The following FKBP8 variants were observed in gnomAD, a reference collection of about 807,000 sequenced individuals.
FKBP8 encodes FKBP prolyl isomerase 8.
FKBP8 carries 5 observed loss-of-function variants against 41.7 expected under a neutral mutation model. The ratio of observed to expected loss-of-function variants is 0.12; its 90% CI spans 0.06 to 0.25. FKBP8 has a LOEUF of 0.25. FKBP8 is among the 10% of genes least tolerant of loss of function. The pLI is 1.00. For missense variants in FKBP8, 397 were observed against 563.0 expected (o/e 0.71, Z 2.98); for synonymous variants, 279 against 254.5 (o/e 1.10, Z -0.92).
In FKBP8 at chr19:18,538,567, C is replaced by T; in HGVS notation, c.552-131G>A. ...CCCCTCTGCCCTCCATCATTCCCTC[C>T]TCAGTAAAGTGCAGGGGAAGTGACT... On this transcript the variant is annotated intron_variant, in intron 4 of 8. Coordinates refer to ENST00000608443, the MANE Select transcript of FKBP8 (RefSeq NM_012181.5). This position sits in a 1 kb window ranked among gnomAD's most constrained non-coding sequence, Gnocchi z 4.0. 2.7e-6 allele frequency: 2 copies of T among 733,834 alleles called. No homozygotes were observed. Among genetic ancestry groups the T allele is most frequent in the African/African-American group, 3.5e-5 (2 of 56,418 alleles). The allele number at this position is 733,834 out of a possible 1,614,324, so 45.5% of individuals were successfully genotyped here.
Position 18,538,527 on chromosome 19 carries a change from GC to G in FKBP8, c.552-92del, listed in dbSNP as rs1463824808. On this transcript the variant is annotated intron_variant, in intron 4 of 8. Transcript: ENST00000608443. The surrounding 1 kb of genome is among the most constrained non-coding windows in gnomAD (Gnocchi z 4.0). ...CTAGGAAGGAGTGAGCTTGGCTCAA[GC>G]CCCCGATCTGTCTCCCCTCTGCCCT... 1.9e-6 allele frequency: 2 copies of G among 1,072,870 alleles called. No individual in the cohort carries two copies. The highest frequency in any genetic ancestry group is 2.6e-5 in the East Asian group (1 of 38,666). 66.5% of individuals were successfully genotyped at this position (1,072,870 alleles called of 1,614,324 possible).
At position 18,533,312 on chromosome 19, in the gene FKBP8, G is replaced by T. The variant is rs1207186726; in HGVS notation, c.981C>A (p.Ile327=). The change falls in exon 7 of 9, where the codon ATC becomes ATA. Residue 327 remains isoleucine, a synonymous_variant. Transcript: ENST00000608443. ...GCTTCAGGGCTGCCCTCAGGATGGGGATGGCCTCACTGTACTCCCCCTGCT... is the reference window on the plus strand; with the variant it reads ...GCTTCAGGGCTGCCCTCAGGATGGGTATGGCCTCACTGTACTCCCCCTGCT... The part of the protein sequence containing the change: ...LAQQGEYSEA[I]PILRAALKLE... 1 of 1,606,018 alleles carries T rather than the reference G, an allele frequency of 6.2e-7. No homozygotes were observed. The highest frequency in any genetic ancestry group is 1.7e-5 in the Admixed American group (1 of 59,040).
chr19:18,541,768 T>A lies in FKBP8; in HGVS notation c.203A>T (p.Gln68Leu). The A allele has an allele frequency of 6.2e-7, 1 of 1,614,064 alleles. No homozygotes were observed. Among genetic ancestry groups the A allele is most frequent in the Non-Finnish European group, 8.5e-7 (1 of 1,179,990 alleles). ...GAACTCTCGGGCCAGGGCCCCAGGCTGCTCAGCCTCCTCCGCCGGGGGTTG... is the reference window on the plus strand; with the variant it reads ...GAACTCTCGGGCCAGGGCCCCAGGCAGCTCAGCCTCCTCCGCCGGGGGTTG... ...MGQPPAEEAEQPGALAREFLA... is the reference protein window; with the variant it reads ...MGQPPAEEAELPGALAREFLA... The change falls in exon 2 of 9, where the codon CAG becomes CTG. Residue 68 changes from glutamine to leucine, a missense_variant. This residue lies in a region of FKBP8 where 172 missense variants were observed against 196.2 expected (regional missense o/e 0.88). Transcript: ENST00000608443.
At position 18,533,243 on chromosome 19, in the gene FKBP8, G is replaced by C. The variant is rs757979742; in HGVS notation, c.1023+27C>G. On this transcript the variant is annotated intron_variant, in intron 7 of 8. Transcript: ENST00000608443. ...CAGGAGGGACTTCCCAGCCGAGCAAGTCCCAGGGCACCCCTGTCCTGCTCA... is the reference window on the plus strand; with the variant it reads ...CAGGAGGGACTTCCCAGCCGAGCAACTCCCAGGGCACCCCTGTCCTGCTCA... 7.1e-6 allele frequency: 11 copies of C among 1,541,782 alleles called. No individual in the cohort carries two copies. The East Asian group carries it at 2.6e-4, about 36-fold the overall frequency.
rs984952137 is a variant in FKBP8, at chr19:18,533,409, C to T, written c.946-62G>A. 4 of 1,417,946 alleles carry T rather than the reference C, an allele frequency of 2.8e-6. No homozygotes were observed. In the African/African-American group the frequency reaches 5.6e-5, roughly 20 times the overall value. The allele number at this position is 1,417,946 out of a possible 1,614,324, so 87.8% of individuals were successfully genotyped here. A position where few individuals can be genotyped will look rare whatever the true frequency, so the allele number is the denominator to read the frequency against. ...TACCTGGGCCTGTCCTTCAAGAAAT[C>T]CAGCCCAGGAGGTTGCAGTGAGCCA... On this transcript the variant is annotated intron_variant, in intron 6 of 8. Coordinates refer to ENST00000608443, the MANE Select transcript of FKBP8 (RefSeq NM_012181.5).
chr19:18,539,882 C>T (rs11086113), intron 2 of FKBP8, among the ~76,000 whole-genome samples, 162 bp from the exon 3 acceptor site: 35,293 of 152,214 alleles, frequency 0.23, 4,452 homozygotes, highest in East Asian at 0.44. Context: ...ACTCTGCCAC[C>T]AGAGTGGGGA....
intron 1 of FKBP8, 26 bp from the exon 2 acceptor site, chr19:18,542,021 G>A (rs1456481371): frequency 6.3e-7 from 1 of 1,591,660 alleles, no homozygotes; most frequent in Non-Finnish European, 8.6e-7. Flanking sequence ...AGAGATGTGG[G>A]TCAGAATCCT....
At chr19:18,543,010 C>G in intron 1 of FKBP8, 1 of 772,570 alleles carries the variant, frequency 1.3e-6, no homozygotes, top group South Asian at 1.7e-5. Context: ...CCACCACCGC[C>G]CCCAGCACGG....
In FKBP8 at chr19:18,531,958, C is replaced by G. The variant is rs58564298; in HGVS notation, c.*211G>C. The G allele has an allele frequency of 5.2e-6, 3 of 579,914 alleles. No individual in the cohort carries two copies. The highest frequency in any genetic ancestry group is 9.3e-6 in the Non-Finnish European group (3 of 321,014). 35.9% of individuals were successfully genotyped at this position (579,914 alleles called of 1,614,324 possible). On this transcript the variant is annotated 3_prime_UTR_variant, in exon 9 of 9. Transcript: ENST00000608443. ...TAAGGAGGGTGGGGGAAAACTGGGT[C>G]TGAAGGAATGAGGGCCCCCTCCCTC...
intron 7 of FKBP8, chr19:18,533,051 G>C: frequency 1.5e-6 from 1 of 688,408 alleles, no homozygotes; most frequent in African/African-American, 1.8e-5. Context: ...GCATGGAGCA[G>C]GCTGGCAGTG....
rs767321073 is a variant in FKBP8, at chr19:18,537,622, C to T, written c.924G>A (p.Lys308=). The T allele has an allele frequency of 4.4e-6, 7 of 1,606,294 alleles. No homozygotes were observed. The highest frequency in any genetic ancestry group is 1.3e-5 in the African/African-American group (1 of 74,836). Residue 308 remains lysine (K), a synonymous_variant, in exon 6 of 9, where the codon AAG becomes AAA. Coordinates refer to ENST00000608443, the MANE Select transcript of FKBP8 (RefSeq NM_012181.5). This position sits in a 1 kb window ranked among gnomAD's most constrained non-coding sequence, Gnocchi z 4.4. ...CTACCTTGCCCTTGCGGAAGAGAGC[C>T]TTGATGTTGTCTGGCTGGTGCTCCA... ...LVLEHQPDNI[K]ALFRKGKVLA...
At position 18,531,896 on chromosome 19, in the gene FKBP8, C is replaced by A. The variant is rs1183662711; in HGVS notation, c.*273G>T. ...TGCCCCCAGGCCTGTTGAGGAGAAA[C>A]TGAGGCCAGCCCTGGCGGAGACCTA... is the stretch of plus-strand genomic sequence containing the variant. On this transcript the variant is annotated 3_prime_UTR_variant, in exon 9 of 9. Transcript: ENST00000608443. 2.1e-6 allele frequency: 1 copy of A among 470,088 alleles called. No individual in the cohort carries two copies. The highest frequency in any genetic ancestry group is 3.6e-5 in the East Asian group (1 of 27,912). 29.1% of individuals were successfully genotyped at this position (470,088 alleles called of 1,614,324 possible). A position where few individuals can be genotyped will look rare whatever the true frequency, so the allele number is the denominator to read the frequency against.
In FKBP8 at chr19:18,531,819, G is replaced by C; in HGVS notation, c.*350C>G. On this transcript the variant is annotated 3_prime_UTR_variant, in exon 9 of 9. Coordinates refer to ENST00000608443, the MANE Select transcript of FKBP8 (RefSeq NM_012181.5). ...GGGGAGGGAACCTGGACAGGGGGCG[G>C]CAGGCGGGGTGGGGGGCTGGCACTC... The C allele has an allele frequency of 3.6e-6, 1 of 278,220 alleles. No homozygotes were observed. Among genetic ancestry groups the C allele is most frequent in the Admixed American group, 4.5e-5 (1 of 22,408 alleles). The allele number at this position is 278,220 out of a possible 1,614,324, so 17.2% of individuals were successfully genotyped here.
At chr19:18,533,806 A>T (rs1341064649) in intron 6 of FKBP8, among the ~76,000 whole-genome samples, 5 of 151,826 alleles carry the variant, frequency 3.3e-5, no homozygotes, top group African/African-American at 1.2e-4. Flanking sequence ...GGAGATCAAG[A>T]CCATCCTGGC....
At position 18,538,747 on chromosome 19, in the gene FKBP8, A is replaced by G. The variant is rs1357632077; in HGVS notation, c.552-311T>C. Reference sequence around the variant, plus strand: ...ACTGCAGCCTCAAAAACGTGGGCTCAAGTGATCCTCCTGCCTGAGCCTCCT... The same window carrying G: ...ACTGCAGCCTCAAAAACGTGGGCTCGAGTGATCCTCCTGCCTGAGCCTCCT... On this transcript the variant is annotated intron_variant, in intron 4 of 8. Transcript: ENST00000608443. The surrounding 1 kb of genome is among the most constrained non-coding windows in gnomAD (Gnocchi z 4.0). 1.3e-5 allele frequency among the ~76,000 whole-genome samples: 2 copies of G among 151,306 alleles called. No homozygotes were observed. Among genetic ancestry groups the G allele is most frequent in the African/African-American group, 4.9e-5 (2 of 40,986 alleles).
At position 18,538,360 on chromosome 19, in the gene FKBP8, G is replaced by T. The variant is rs757031781; in HGVS notation, c.628C>A (p.Leu210Met). 1 of 1,613,684 alleles carries T rather than the reference G, an allele frequency of 6.2e-7. No homozygotes were observed. The highest frequency in any genetic ancestry group is 1.7e-4 in the Middle Eastern group (1 of 6,026). The change falls in exon 5 of 9, where the codon CTG (leucine) becomes ATG (methionine). Residue 210 changes from leucine (L) to methionine (M), a missense_variant. This residue lies in a region of FKBP8 where 225 missense variants were observed against 366.8 expected (regional missense o/e 0.61). Transcript: ENST00000608443. The surrounding 1 kb of genome is among the most constrained non-coding windows in gnomAD (Gnocchi z 4.0). The part of the protein sequence containing the change: ...TLKTAVDGPD[L>M]EMLTGQERVA... ...CGCTCCTGCCCCGTGAGCATCTCCA[G>T]GTCAGGCCCGTCCACAGCCGTCTTC...
chr19:18,541,404 C>T (rs111767281), intron 2 of FKBP8, among the ~76,000 whole-genome samples: 6 of 152,200 alleles, frequency 3.9e-5, no homozygotes, highest in Non-Finnish European at 8.8e-5. Flanking sequence ...GAGCTGCCAG[C>T]GCCTGGCGTG....
At chr19:18,542,962 C>T in intron 1 of FKBP8, 1 of 1,215,110 alleles carries the variant, frequency 8.2e-7, no homozygotes, top group Non-Finnish European at 1.1e-6. Flanking sequence ...TTCCCCGCGC[C>T]CGCACAATTC....
Position 18,539,725 on chromosome 19 carries a change from C to T in FKBP8, c.293-5G>A. 1 of 1,605,490 alleles carries T rather than the reference C, an allele frequency of 6.2e-7. No individual in the cohort carries two copies. Among genetic ancestry groups the T allele is most frequent in the Non-Finnish European group, 8.5e-7 (1 of 1,179,918 alleles). On this transcript the variant is annotated splice_polypyrimidine_tract_variant and splice_region_variant and intron_variant, in intron 2 of 8. Coordinates refer to ENST00000608443, the MANE Select transcript of FKBP8 (RefSeq NM_012181.5). Reference sequence around the variant, plus strand: ...TCTTCCTCAACAGCCCGTTCCCTGCCAGGGTCCAGGGACATGCAGCCTGTC... The same window carrying T: ...TCTTCCTCAACAGCCCGTTCCCTGCTAGGGTCCAGGGACATGCAGCCTGTC...
Sources: gnomAD v4.1 joint callset for allele counts (sites outside exome capture counted in the v4.1 genomes callset) on GRCh38, gnomAD v4.1.1 for gene constraint, gnomAD v4.1.1 regional missense constraint, Gnocchi (gnomAD v3.1) non-coding constraint, MANE v1.5 for transcripts, NCBI Gene and HGNC (gene_info 2026-07-23, HGNC 2026-07-21) for gene names.